Variants in JMJD1C observed in about 807,000 individuals in gnomAD.
JMJD1C encodes the protein jumonji domain containing 1C.
A neutral mutation model predicts 245.3 loss-of-function variants in JMJD1C; 31 were observed. The observed-to-expected ratio is 0.13, with a 90% CI of 0.09 to 0.17. The LOEUF (loss-of-function observed/expected upper bound fraction) is 0.17, where lower values mean the gene tolerates loss of function less well. Among genes scored for constraint, JMJD1C ranks in the 10% least tolerant of loss-of-function variants. The pLI is 1.00. For synonymous variants in JMJD1C, 1,057 were observed against 1,017.4 expected, an observed-to-expected ratio of 1.04 and a Z score of -0.74; for missense variants, 2,691 against 3,000.2, an observed-to-expected ratio of 0.90 and a Z score of 2.41.
chr10:63,402,725 C>A (rs1305464482), intron 1 of JMJD1C, among the ~76,000 whole-genome samples: 1 of 152,080 alleles, frequency 6.6e-6, no homozygotes, highest in East Asian at 1.9e-4. Context: ...TCTCACCACT[C>A]GATTTACTTT....
chr10:63,322,937 C>T (rs899954101), intron 2 of JMJD1C, among the ~76,000 whole-genome samples: 9 of 148,612 alleles, frequency 6.1e-5, no homozygotes, highest in African/African-American at 2.0e-4. Context: ...CAATTGTTTA[C>T]GTATCTAGTC....
intron 2 of JMJD1C, among the ~76,000 whole-genome samples, chr10:63,375,998 G>C (rs1946710701): frequency 6.6e-6 from 1 of 152,092 alleles, no homozygotes; most frequent in African/African-American, 2.4e-5. Context: ...TCCTGAGAAA[G>C]AAGAAAGTTG....
intron 20 of JMJD1C, 65 bp from the exon 21 acceptor site, chr10:63,184,803 A>G: frequency 2.7e-6 from 4 of 1,464,236 alleles, no homozygotes; most frequent in South Asian, 1.3e-5. Context: ...TTTCACATAT[A>G]TAATTTTCAA....
In JMJD1C at chr10:63,245,934, G is replaced by A. The variant is rs143599459; in HGVS notation, c.447+18717C>T. Among the ~76,000 whole-genome samples, 18 of 152,194 alleles carry A rather than the reference G, an allele frequency of 1.2e-4. No individual in the cohort carries two copies. In the East Asian group the frequency reaches 3.3e-3, roughly 28 times the overall value. On this transcript the variant is annotated intron_variant, in intron 3 of 25. Coordinates refer to ENST00000399262, the MANE Select transcript of JMJD1C (RefSeq NM_032776.3). The stretch of plus-strand genomic sequence containing the variant: ...TACAATTCAAGATGAGATTTGGGTG[G>A]GGACACATGCAAACATATCAGAGAC...
intron 1 of JMJD1C, among the ~76,000 whole-genome samples, chr10:63,426,958 T>C (rs1163856900): frequency 6.6e-6 from 1 of 152,234 alleles, no homozygotes; most frequent in Non-Finnish European, 1.5e-5. Flanking sequence ...TGTTTTAACA[T>C]TCCCTTTGCT....
chr10:63,203,437 A>G (rs950891763), intron 10 of JMJD1C: 1 of 985,292 alleles, frequency 1.0e-6, no homozygotes, highest in African/African-American at 1.7e-5. Flanking sequence ...AGAAAGTAAG[A>G]GACAAATACT....
intron 2 of JMJD1C, among the ~76,000 whole-genome samples, chr10:63,284,878 C>T (rs1857798557): frequency 7.8e-6 from 1 of 128,748 alleles, no homozygotes; most frequent in South Asian, 2.3e-4. Flanking sequence ...CACACACACA[C>T]ACACACACAC....
chr10:63,193,206 T>C, intron 15 of JMJD1C, 55 bp from the exon 16 acceptor site: 1 of 1,506,190 alleles, frequency 6.6e-7, no homozygotes, highest in Non-Finnish European at 9.1e-7. Context: ...ATTCAATTAG[T>C]AGTATAGATA....
chr10:63,452,042 T>C (rs1230427133), intron 1 of JMJD1C, among the ~76,000 whole-genome samples: 2 of 152,160 alleles, frequency 1.3e-5, no homozygotes, highest in Non-Finnish European at 2.9e-5. Flanking sequence ...CAGCAACTTC[T>C]GGGAAATGAC....
chr10:63,228,946 T>C (rs1212975113), intron 3 of JMJD1C, among the ~76,000 whole-genome samples: 1 of 152,182 alleles, frequency 6.6e-6, no homozygotes, highest in African/African-American at 2.4e-5. Context: ...ATTTGCAAGA[T>C]AAGATTTCCT....
intron 2 of JMJD1C, among the ~76,000 whole-genome samples, chr10:63,350,841 G>A (rs575269960): frequency 2.4e-4 from 37 of 151,954 alleles, no homozygotes; most frequent in African/African-American, 8.2e-4. Context: ...GGATGGTCTC[G>A]ATCTCCTGAC....
intron 1 of JMJD1C, among the ~76,000 whole-genome samples, chr10:63,481,992 C>G (rs962264719): frequency 6.6e-6 from 1 of 152,168 alleles, no homozygotes; most frequent in Non-Finnish European, 1.5e-5. Context: ...CATTCCAAAG[C>G]TACAAGTACA....
At chr10:63,181,587 GACAAAA>G (rs1192784387) in intron 22 of JMJD1C, among the ~76,000 whole-genome samples, 7 of 152,042 alleles carry the variant, frequency 4.6e-5, no homozygotes, top group Non-Finnish European at 2.9e-5. Context: ...TATAAAAAGT[GACAAAA>G]ACTTTTTAGA....
intron 1 of JMJD1C, among the ~76,000 whole-genome samples, chr10:63,493,249 CTTTTTTT>C (rs752941477): frequency 2.0e-4 from 10 of 49,134 alleles, no homozygotes; most frequent in Admixed American, 1.2e-3. Flanking sequence ...ACTGTTATTT[CTTTTTTT>C]TTTTTTTTTT....
At chr10:63,172,159 T>C (rs140131277) in intron 24 of JMJD1C, among the ~76,000 whole-genome samples, 4 of 152,318 alleles carry the variant, frequency 2.6e-5, no homozygotes, top group African/African-American at 9.6e-5. Context: ...CAGAATATAA[T>C]TTGTCAGTCT....
chr10:63,468,905 G>C (rs567651783), upstream of JMJD1C, among the ~76,000 whole-genome samples: 1 of 152,028 alleles, frequency 6.6e-6, no homozygotes, highest in Non-Finnish European at 1.5e-5. Context: ...CTTGAGCCCA[G>C]GACTTCTGTT....
At chr10:63,238,189 A>AAAATAG (rs1554850612) in intron 3 of JMJD1C, among the ~76,000 whole-genome samples, 13 of 135,688 alleles carry the variant, frequency 9.6e-5, no homozygotes, top group Non-Finnish European at 1.2e-4. Context: ...TCAAAAAAAA[A>AAAATAG]AAAAAAGAAA....
chr10:63,237,878 G>C (rs957681054), intron 3 of JMJD1C, among the ~76,000 whole-genome samples: 1 of 151,188 alleles, frequency 6.6e-6, no homozygotes, highest in African/African-American at 2.4e-5. Context: ...TACACAAAAA[G>C]AAAAAAAGGC....
chr10:63,323,819 CAT>C (rs1053878353), intron 2 of JMJD1C, among the ~76,000 whole-genome samples: 14 of 151,960 alleles, frequency 9.2e-5, no homozygotes, highest in African/African-American at 3.4e-4. Flanking sequence ...TGTGTGTTTG[CAT>C]ATGTGTGTGT....
Sources: gnomAD v4.1 joint callset for allele counts (sites outside exome capture counted in the v4.1 genomes callset) on GRCh38, gnomAD v4.1.1 for gene constraint, MANE v1.5 for transcripts, NCBI Gene and HGNC (gene_info 2026-07-23, HGNC 2026-07-21) for gene names.